NAP1L4: variants seen among roughly 807,000 people sequenced by gnomAD.
The protein encoded by NAP1L4 is nucleosome assembly protein 1 like 4.
Under a neutral mutation model 58.2 loss-of-function variants are expected in NAP1L4, and 15 were observed. The ratio of observed to expected loss-of-function variants is 0.26; its 90% CI spans 0.17 to 0.40. The LOEUF (loss-of-function observed/expected upper bound fraction) is 0.40. NAP1L4 is among the 10% of genes least tolerant of loss of function. NAP1L4 has a pLI of 1.00. For synonymous variants in NAP1L4, 171 were observed against 155.6 expected (o/e 1.10, Z -0.74); for missense variants, 384 against 451.1 (o/e 0.85, Z 1.35).
chr11:2,968,605 T>C (rs928751891), intron 7 of NAP1L4, among the ~76,000 whole-genome samples: 4 of 152,320 alleles, frequency 2.6e-5, no homozygotes, highest in Admixed American at 2.6e-4. Flanking sequence ...GAGGCAGCAA[T>C]GTGATACATT....
Position 2,955,689 on chromosome 11 carries a change from A to G in NAP1L4, c.915+55T>C, listed in dbSNP as rs1846496883. 1 of 1,561,062 alleles carries G rather than the reference A, an allele frequency of 6.4e-7. No homozygotes were observed. The highest frequency in any genetic ancestry group is 8.8e-7 in the Non-Finnish European group (1 of 1,136,530). On this transcript the variant is annotated intron_variant, in intron 11 of 15. Transcript: ENST00000380542. This position sits in a 1 kb window ranked among gnomAD's most constrained non-coding sequence, Gnocchi z 4.2. ...TTTTTTAACAAGTAGACAAGTAGAC[A>G]TTCACTCAGGAGAGACTTCAACAGG... is the stretch of plus-strand genomic sequence containing the variant.
chr11:2,970,661 C>T (rs1457331425), intron 6 of NAP1L4, among the ~76,000 whole-genome samples: 15 of 152,178 alleles, frequency 9.9e-5, no homozygotes, highest in Admixed American at 9.2e-4. Context: ...CCTTGCCAAA[C>T]GGGATTGTTA....
intron 1 of NAP1L4, chr11:2,990,197 GAAAA>G (rs202045927): frequency 6.8e-6 from 1 of 146,236 alleles, no homozygotes; most frequent in African/African-American, 2.5e-5. Context: ...GCTCAACCAG[GAAAA>G]AAAAAAGACT....
intron 1 of NAP1L4, among the ~76,000 whole-genome samples, chr11:2,979,670 G>T (rs921416519): frequency 1.5e-4 from 23 of 152,024 alleles, no homozygotes; most frequent in African/African-American, 5.3e-4. Flanking sequence ...TACTCAGGAG[G>T]CTGAGGCAGA....
In NAP1L4 at chr11:2,951,819, C is replaced by T. The variant is rs1449962734; in HGVS notation, c.1036-10G>A. ...CTTCACCTTCTTCAAACTGGAGAAA[C>T]ACAGAAAAACATTTTTAGGTTTACA... On this transcript the variant is annotated splice_polypyrimidine_tract_variant and intron_variant, in intron 12 of 15. Transcript: ENST00000380542. The surrounding 1 kb of genome is among the most constrained non-coding windows in gnomAD (Gnocchi z 4.0). The T allele has an allele frequency of 2.5e-6, 4 of 1,613,746 alleles. No homozygotes were observed. The highest frequency in any genetic ancestry group is 3.4e-6 in the Non-Finnish European group (4 of 1,179,818).
chr11:2,963,294 T>A (rs1847056445), intron 8 of NAP1L4, among the ~76,000 whole-genome samples: 1 of 151,968 alleles, frequency 6.6e-6, no homozygotes, highest in Non-Finnish European at 1.5e-5. Flanking sequence ...GGGAAGAGAA[T>A]GCACACCAAC....
At chr11:2,982,493 C>G (rs1848382834) in intron 1 of NAP1L4, among the ~76,000 whole-genome samples, 1 of 152,194 alleles carries the variant, frequency 6.6e-6, no homozygotes, top group Non-Finnish European at 1.5e-5. Flanking sequence ...CCTATACTAG[C>G]AAGGGACCTA....
At chr11:2,974,830 A>G (rs1418906057) in intron 4 of NAP1L4, among the ~76,000 whole-genome samples, 2 of 152,182 alleles carry the variant, frequency 1.3e-5, no homozygotes, top group Non-Finnish European at 2.9e-5. Context: ...CTGAACACTC[A>G]GCACATCTAC....
chr11:2,991,325 G>C (rs990177153), intron 1 of NAP1L4: 1 of 305,374 alleles, frequency 3.3e-6, no homozygotes, highest in Admixed American at 4.0e-5. Context: ...ATTCAGAAGG[G>C]GAAAATTGAA....
Sources: gnomAD v4.1 joint callset for allele counts (sites outside exome capture counted in the v4.1 genomes callset) on GRCh38, gnomAD v4.1.1 for gene constraint, Gnocchi (gnomAD v3.1) non-coding constraint, MANE v1.5 for transcripts, NCBI Gene and HGNC (gene_info 2026-07-23, HGNC 2026-07-21) for gene names.